Variants in CYP7B1 observed in about 807,000 individuals in gnomAD.
CYP7B1 encodes cytochrome P450 family 7 subfamily B member 1, also known as cytochrome P450 7B1.
CYP7B1 carries 29 observed loss-of-function variants against 42.7 expected under a neutral mutation model. That is an observed-to-expected ratio of 0.68 (90% CI 0.51 to 0.93). The LOEUF is 0.93. Ranked by LOEUF, CYP7B1 falls within the 40% of genes least tolerant of loss-of-function variation. CYP7B1 has a pLI of 0.00. For synonymous variants in CYP7B1, 235 were observed against 218.2 expected, an observed-to-expected ratio of 1.08 and a Z score of -0.68; for missense variants, 655 against 600.5, an observed-to-expected ratio of 1.09 and a Z score of -0.95.
At position 64,673,664 on chromosome 8, in the gene CYP7B1, G is replaced by A. The variant is rs542396674; in HGVS notation, c.123-49125C>T. Among the ~76,000 whole-genome samples the A allele has an allele frequency of 1.6e-4, 24 of 152,206 alleles. No individual in the cohort carries two copies. In the South Asian group the frequency reaches 5.0e-3, roughly 32 times the overall value. On this transcript the variant is annotated intron_variant, in intron 1 of 5. Transcript: ENST00000310193. The stretch of plus-strand genomic sequence containing the variant: ...TAATTCATGATTCTATTAATTGTTT[G>A]TTCTTTCCTGCTCTGAGTAAGATAT...
intron 1 of CYP7B1, among the ~76,000 whole-genome samples, chr8:64,721,629 T>C (rs1181382266): frequency 2.0e-5 from 3 of 152,176 alleles, no homozygotes; most frequent in Admixed American, 6.5e-5. Flanking sequence ...GCTCTCCTCT[T>C]GAAATTTACC....
chr8:64,616,979 G>A (rs967301592), intron 2 of CYP7B1, among the ~76,000 whole-genome samples: 2 of 152,124 alleles, frequency 1.3e-5, no homozygotes, highest in Non-Finnish European at 2.9e-5. Context: ...ATTAAGATCT[G>A]GAAACTTGGT....
chr8:64,599,513 C>A (rs923531347), intron 5 of CYP7B1, among the ~76,000 whole-genome samples: 2 of 152,066 alleles, frequency 1.3e-5, no homozygotes, highest in Non-Finnish European at 2.9e-5. Flanking sequence ...TTACAGTGAC[C>A]ATAATAAGCA....
intron 1 of CYP7B1, among the ~76,000 whole-genome samples, chr8:64,719,058 G>A (rs908065621): frequency 3.3e-5 from 5 of 152,124 alleles, no homozygotes; most frequent in African/African-American, 7.2e-5. Flanking sequence ...TAAGACAACA[G>A]TGGATACACA....
At position 64,596,826 on chromosome 8, in the gene CYP7B1, G is replaced by T. The variant is rs542227556; in HGVS notation, c.1337C>A (p.Thr446Asn). 6.2e-7 allele frequency: 1 copy of T among 1,614,110 alleles called. No homozygotes were observed. Among genetic ancestry groups the T allele is most frequent in the Admixed American group, 1.7e-5 (1 of 60,026 alleles). The change falls in exon 6 of 6, where the codon ACC (threonine) becomes AAC (asparagine). Residue 446 changes from threonine (T) to asparagine (N), a missense_variant. Thr to Asn is a moderately conservative substitution (Grantham distance 65). Coordinates refer to ENST00000310193, the MANE Select transcript of CYP7B1 (RefSeq NM_004820.5). ...AAAAAATCGGCCTGGACATTTGCTG[G>T]TTCCAGTTCCAAACGGCATTAGGTA... The part of the protein sequence containing the change: ...KCYLMPFGTG[T>N]SKCPGRFFAL...
chr8:64,789,759 A>G (rs1200929196), intron 1 of CYP7B1, among the ~76,000 whole-genome samples: 1 of 152,248 alleles, frequency 6.6e-6, no homozygotes. Flanking sequence ...CCCTACTTCA[A>G]TGTAACACAC....
intron 2 of CYP7B1, among the ~76,000 whole-genome samples, chr8:64,621,926 G>A (rs1805536749): frequency 6.7e-6 from 1 of 148,580 alleles, no homozygotes; most frequent in South Asian, 2.1e-4. Flanking sequence ...TTTTTTTTTA[G>A]TAGAGATGAG....
intron 1 of CYP7B1, among the ~76,000 whole-genome samples, chr8:64,750,542 AAGC>A (rs1807711675): frequency 1.3e-5 from 2 of 152,228 alleles, no homozygotes; most frequent in Non-Finnish European, 2.9e-5. Flanking sequence ...AACTTGATCC[AAGC>A]ACATAAATAT....
intron 1 of CYP7B1, among the ~76,000 whole-genome samples, chr8:64,777,492 T>C (rs764186518): frequency 1.4e-4 from 22 of 152,116 alleles, no homozygotes; most frequent in East Asian, 1.9e-4. Context: ...AGCCCTAAAA[T>C]GAATAAAATC....
intron 1 of CYP7B1, among the ~76,000 whole-genome samples, chr8:64,679,766 T>C (rs1260145330): frequency 2.0e-5 from 3 of 152,172 alleles, no homozygotes; most frequent in Non-Finnish European, 4.4e-5. Context: ...ATTTAATGTA[T>C]AGAACTTGGT....
At chr8:64,713,681 A>C (rs1807113552) in intron 1 of CYP7B1, among the ~76,000 whole-genome samples, 1 of 152,156 alleles carries the variant, frequency 6.6e-6, no homozygotes, top group Admixed American at 6.6e-5. Context: ...AAAAAGATAA[A>C]ACTCTAAAGA....
At chr8:64,643,311 C>T (rs186075940) in intron 1 of CYP7B1, among the ~76,000 whole-genome samples, 57 of 151,878 alleles carry the variant, frequency 3.8e-4, no homozygotes, top group African/African-American at 1.3e-3. Flanking sequence ...AAGTGAGTCG[C>T]ATGAATTATT....
intron 1 of CYP7B1, among the ~76,000 whole-genome samples, chr8:64,691,489 G>GCT (rs1554532297): frequency 6.9e-6 from 1 of 145,212 alleles, no homozygotes; most frequent in African/African-American, 2.7e-5. Context: ...AACTGGGGGG[G>GCT]GGGGGTGGTG....
Position 64,594,076 on chromosome 8 carries a change from G to T in CYP7B1, c.*2566C>A, listed in dbSNP as rs149600626. On this transcript the variant is annotated 3_prime_UTR_variant, in exon 6 of 6. Transcript: ENST00000310193. ...TAACAAATTTAGAACATCTTAGGAAGAATTAAAGTTATCATGGACTAAATG... is the reference window on the plus strand; with the variant it reads ...TAACAAATTTAGAACATCTTAGGAATAATTAAAGTTATCATGGACTAAATG... Among the ~76,000 whole-genome samples, 105 of 149,864 alleles carry T rather than the reference G, an allele frequency of 7.0e-4. No homozygotes were observed. Among genetic ancestry groups the T allele is most frequent in the African/African-American group, 2.3e-3 (96 of 41,046 alleles).
chr8:64,614,274 A>G (rs913117620), intron 4 of CYP7B1, among the ~76,000 whole-genome samples: 1 of 152,188 alleles, frequency 6.6e-6, no homozygotes, highest in African/African-American at 2.4e-5. Flanking sequence ...CCAGTCATTG[A>G]GGTACAGACC....
intron 5 of CYP7B1, among the ~76,000 whole-genome samples, chr8:64,602,809 G>A (rs907673931): frequency 2.0e-5 from 3 of 152,216 alleles, no homozygotes; most frequent in African/African-American, 4.8e-5. Flanking sequence ...TCTACTTATT[G>A]CCATATGAAG....
intron 1 of CYP7B1, among the ~76,000 whole-genome samples, chr8:64,700,622 G>T (rs1342041733): frequency 6.6e-6 from 1 of 152,078 alleles, no homozygotes; most frequent in African/African-American, 2.4e-5. Context: ...TGGACTTCAT[G>T]GGAGTCGTGA....
intron 4 of CYP7B1, among the ~76,000 whole-genome samples, chr8:64,613,533 T>G (rs1022959554): frequency 6.6e-6 from 1 of 152,124 alleles, no homozygotes; most frequent in African/African-American, 2.4e-5. Flanking sequence ...CTTGAATGTA[T>G]GGGAAATGCA....
In CYP7B1 at chr8:64,592,232, A is replaced by T. The variant is rs1461541650; in HGVS notation, c.*4410T>A. 6.6e-6 allele frequency among the ~76,000 whole-genome samples: 1 copy of T among 152,160 alleles called. No individual in the cohort carries two copies. ...TTTTACAATATATAATACAGTTTTT[A>T]AAAATTCTAAGCCTCAATGACTATA... On this transcript the variant is annotated 3_prime_UTR_variant, in exon 6 of 6. Coordinates refer to ENST00000310193, the MANE Select transcript of CYP7B1 (RefSeq NM_004820.5).
Sources: gnomAD v4.1 joint callset for allele counts (sites outside exome capture counted in the v4.1 genomes callset) on GRCh38, gnomAD v4.1.1 for gene constraint, MANE v1.5 for transcripts, NCBI Gene and HGNC (gene_info 2026-07-23, HGNC 2026-07-21) for gene names.